The following SLC12A1 variants were observed in gnomAD, a reference collection of about 807,000 sequenced individuals.
SLC12A1 encodes solute carrier family 12 member 1.
SLC12A1 carries 89 observed loss-of-function variants against 130.4 expected under a neutral mutation model. The ratio of observed to expected loss-of-function variants is 0.68; its 90% CI spans 0.58 to 0.81. SLC12A1 has a LOEUF of 0.81. Ranked by LOEUF, SLC12A1 falls within the 40% of genes least tolerant of loss-of-function variation. The probability of loss-of-function intolerance (pLI) is 0.00; values close to 1 mark genes in which losing one functional copy is unlikely to be tolerated. For missense variants in SLC12A1, 1,310 were observed against 1,336.4 expected (o/e 0.98, Z 0.31); for synonymous variants, 499 against 460.0 (o/e 1.08, Z -1.09).
intron 20 of SLC12A1, among the ~76,000 whole-genome samples, chr15:48,284,765 A>G (rs1398158203): frequency 1.3e-5 from 2 of 151,972 alleles, no homozygotes; most frequent in African/African-American, 4.8e-5. Flanking sequence ...TCGGCCTCCC[A>G]AGTAGCTGGC....
chr15:48,206,908 C>A (rs1385516679), intron 1 of SLC12A1, among the ~76,000 whole-genome samples: 1 of 151,920 alleles, frequency 6.6e-6, no homozygotes, highest in Non-Finnish European at 1.5e-5. Flanking sequence ...AATGTATGAG[C>A]AAATGAAACA....
At chr15:48,235,358 A>C in intron 9 of SLC12A1, 1 of 298,134 alleles carries the variant, frequency 3.4e-6, no homozygotes, top group Non-Finnish European at 6.4e-6. Context: ...AAAAAAAACA[A>C]AACAAAACAA....
At chr15:48,223,483 C>T (rs545121989) in intron 4 of SLC12A1, 4 of 152,254 alleles carry the variant, frequency 2.6e-5, no homozygotes, top group African/African-American at 9.6e-5. Flanking sequence ...AAGTATAAAA[C>T]TTTGTTCCAA....
At chr15:48,283,299 G>A (rs983806439) in intron 20 of SLC12A1, among the ~76,000 whole-genome samples, 3 of 152,190 alleles carry the variant, frequency 2.0e-5, no homozygotes, top group Admixed American at 1.3e-4. Flanking sequence ...CGGGAAATCC[G>A]AGGCATAGAA....
At chr15:48,269,603 A>T in intron 18 of SLC12A1, 55 bp from the exon 19 acceptor site, 2 of 876,818 alleles carry the variant, frequency 2.3e-6, no homozygotes, top group South Asian at 2.9e-5. Context: ...TTCATTTGTG[A>T]TGGTAGTTTC....
intron 7 of SLC12A1, among the ~76,000 whole-genome samples, chr15:48,232,259 G>A (rs1309819683): frequency 3.3e-5 from 5 of 152,220 alleles, no homozygotes; most frequent in Admixed American, 6.5e-5. Flanking sequence ...AGCACACAGC[G>A]GCAGCCTGAC....
chr15:48,286,184 A>G (rs1355319970), intron 21 of SLC12A1, among the ~76,000 whole-genome samples: 1 of 152,186 alleles, frequency 6.6e-6, no homozygotes, highest in African/African-American at 2.4e-5. Context: ...CTTTCCTACT[A>G]TAGCCCAAGG....
In SLC12A1 at chr15:48,274,610, A is replaced by T. The variant is rs2041931241; in HGVS notation, c.2442A>T (p.Arg814Ser). Reference protein sequence around the residue: ...FDFEIGVVIVRISQGFDISQV... With the variant: ...FDFEIGVVIVSISQGFDISQV... ...TTGAGATTGGCGTGGTTATAGTCAGAATCAGCCAAGGATTTGACATCTCTC... is the reference window on the plus strand; with the variant it reads ...TTGAGATTGGCGTGGTTATAGTCAGTATCAGCCAAGGATTTGACATCTCTC... Residue 814 changes from arginine (R) to serine (S), a missense_variant, in exon 20 of 27, where the codon AGA (arginine) becomes AGT (serine). Arg to Ser is a moderately radical substitution (Grantham distance 110, BLOSUM62 -1). Coordinates refer to ENST00000380993, the MANE Select transcript of SLC12A1 (RefSeq NM_000338.3). The T allele has an allele frequency of 1.9e-6, 3 of 1,613,200 alleles. No individual in the cohort carries two copies. The highest frequency in any genetic ancestry group is 1.7e-5 in the Admixed American group (1 of 59,992).
At chr15:48,263,252 A>T (rs2141081543) in intron 17 of SLC12A1, among the ~76,000 whole-genome samples, 1 of 152,318 alleles carries the variant, frequency 6.6e-6, no homozygotes, top group South Asian at 2.1e-4. Context: ...GATTCCATTG[A>T]CCTGGGATTT....
chr15:48,295,719 T>C (rs2042170960), intron 24 of SLC12A1, among the ~76,000 whole-genome samples: 1 of 152,172 alleles, frequency 6.6e-6, no homozygotes, highest in Non-Finnish European at 1.5e-5. Context: ...CCATTCTTAC[T>C]GAAATAAAAG....
intron 5 of SLC12A1, chr15:48,227,559 C>T: frequency 4.3e-6 from 1 of 232,528 alleles, no homozygotes; most frequent in South Asian, 6.7e-5. Context: ...CAGTAAACCA[C>T]TCCTGCACCC....
rs1219057006 is a variant in SLC12A1 at position 48,251,701 on chromosome 15, T to A, written c.1873T>A (p.Trp625Arg). ...LCCAVMFVIN[W>R]WAAVITYVIE... ...CTGTGCAGTCATGTTTGTCATCAACTGGTGGGCAGCTGTCATCACCTATGT... is the reference window on the plus strand; with the variant it reads ...CTGTGCAGTCATGTTTGTCATCAACAGGTGGGCAGCTGTCATCACCTATGT... The change falls in exon 15 of 27, where the codon TGG becomes AGG. Residue 625 changes from tryptophan to arginine, a missense_variant. By Grantham distance (101) the Trp-to-Arg change is moderately radical. Transcript: ENST00000380993. 2 of 1,613,656 alleles carry A rather than the reference T, an allele frequency of 1.2e-6. No individual in the cohort carries two copies. The highest frequency in any genetic ancestry group is 1.7e-6 in the Non-Finnish European group (2 of 1,179,690).
intron 8 of SLC12A1, among the ~76,000 whole-genome samples, chr15:48,234,471 G>A (rs572353435): frequency 2.2e-4 from 33 of 152,216 alleles, no homozygotes; most frequent in Middle Eastern, 3.4e-3. Flanking sequence ...GGCCGGGCGC[G>A]GTAGCTCACG....
At chr15:48,285,852 G>C (rs1400754576) in intron 21 of SLC12A1, among the ~76,000 whole-genome samples, 6 of 152,238 alleles carry the variant, frequency 3.9e-5, no homozygotes, top group Non-Finnish European at 8.8e-5. Context: ...TTTATAAACA[G>C]ATGATTCAAA....
chr15:48,244,891 T>C lies in SLC12A1; in HGVS notation c.1439T>C (p.Met480Thr), dbSNP rs751495852. 3.1e-6 allele frequency: 5 copies of C among 1,613,916 alleles called. No homozygotes were observed. Among genetic ancestry groups the C allele is most frequent in the East Asian group, 2.2e-5 (1 of 44,884 alleles). Reference sequence around the variant, plus strand: ...CATGAACCATGTCAGTACGGGCTGATGAACAATTTCCAGGTTTGAAGCAAA... The same window carrying C: ...CATGAACCATGTCAGTACGGGCTGACGAACAATTTCCAGGTTTGAAGCAAA... Reference protein sequence around the residue: ...CRHEPCQYGLMNNFQVMSMVS... With the variant: ...CRHEPCQYGLTNNFQVMSMVS... The change falls in exon 11 of 27, where the codon ATG becomes ACG. Residue 480 changes from methionine (M) to threonine (T), a missense_variant. Physicochemically the swap from Met to Thr is moderately conservative, Grantham distance 81. Coordinates refer to ENST00000380993, the MANE Select transcript of SLC12A1 (RefSeq NM_000338.3).
intron 2 of SLC12A1, among the ~76,000 whole-genome samples, chr15:48,213,982 G>T (rs1028792295): frequency 3.3e-5 from 5 of 152,104 alleles, no homozygotes; most frequent in African/African-American, 1.2e-4. Flanking sequence ...GTTTTCTCTA[G>T]AAAATAACCT....
chr15:48,272,709 G>A (rs534539578), intron 19 of SLC12A1, among the ~76,000 whole-genome samples: 25 of 152,134 alleles, frequency 1.6e-4, no homozygotes, highest in Non-Finnish European at 3.4e-4. Flanking sequence ...TTACAGACAT[G>A]AGCCATCTTG....
chr15:48,281,430 ACGGAAATACAG>A, intron 20 of SLC12A1, among the ~76,000 whole-genome samples: 2 of 152,230 alleles, frequency 1.3e-5, no homozygotes, highest in Non-Finnish European at 2.9e-5. Context: ...GCAAGGTATT[ACGGAAATACAG>A]AGGAGATTGA....
chr15:48,220,162 GAT>G (rs2041190314), intron 2 of SLC12A1, among the ~76,000 whole-genome samples: 2 of 149,784 alleles, frequency 1.3e-5, no homozygotes, highest in African/African-American at 5.0e-5. Flanking sequence ...TAGATAGATA[GAT>G]AGATAGATAG....
Sources: allele counts gnomAD v4.1 joint callset (sites outside exome capture counted in the v4.1 genomes callset), GRCh38; gene constraint gnomAD v4.1.1; transcripts MANE v1.5; gene names NCBI Gene and HGNC (gene_info 2026-07-23, HGNC 2026-07-21).